Variants in PRKG1 observed in about 807,000 individuals in gnomAD.
PRKG1 encodes protein kinase cGMP-dependent 1.
PRKG1 carries 35 observed loss-of-function variants against 88.1 expected under a neutral mutation model. The ratio of observed to expected loss-of-function variants is 0.40; its 90% CI spans 0.30 to 0.53. The LOEUF (loss-of-function observed/expected upper bound fraction) is 0.53, where lower values mean the gene tolerates loss of function less well. Among genes scored for constraint, PRKG1 ranks in the 20% least tolerant of loss-of-function variants. PRKG1 has a pLI of 0.59. For missense variants in PRKG1, 540 were observed against 839.8 expected, an observed-to-expected ratio of 0.64 and a Z score of 4.41; for synonymous variants, 303 against 292.5, an observed-to-expected ratio of 1.04 and a Z score of -0.37.
intron 3 of PRKG1, among the ~76,000 whole-genome samples, chr10:51,577,827 G>C (rs1181582835): frequency 1.3e-5 from 2 of 151,990 alleles, no homozygotes; most frequent in Non-Finnish European, 2.9e-5. Context: ...TACATCATTG[G>C]TTACTTACTT....
At chr10:51,897,322 G>C (rs1223450019) in intron 4 of PRKG1, among the ~76,000 whole-genome samples, 1 of 152,002 alleles carries the variant, frequency 6.6e-6, no homozygotes, top group African/African-American at 2.4e-5. Flanking sequence ...TGTCAATGTT[G>C]GTGGCACTAA....
At chr10:51,359,928 A>G (rs1457461940) in intron 2 of PRKG1, among the ~76,000 whole-genome samples, 1 of 151,968 alleles carries the variant, frequency 6.6e-6, no homozygotes, top group Non-Finnish European at 1.5e-5. Flanking sequence ...GATACAGAGT[A>G]AACTCTAACT....
chr10:51,878,868 G>T (rs10823793), intron 4 of PRKG1, among the ~76,000 whole-genome samples: 36,647 of 151,970 alleles, frequency 0.24, 4,998 homozygotes, highest in African/African-American at 0.31. Context: ...CACACATATT[G>T]ACTTTAATGC....
At chr10:51,280,046 G>A (rs1373926668) in intron 2 of PRKG1, among the ~76,000 whole-genome samples, 1 of 152,150 alleles carries the variant, frequency 6.6e-6, no homozygotes, top group African/African-American at 2.4e-5. Flanking sequence ...GCTTCCTTCA[G>A]GAGCTCTTGT....
At chr10:52,149,206 A>T (rs1019282102) in intron 8 of PRKG1, among the ~76,000 whole-genome samples, 1 of 151,942 alleles carries the variant, frequency 6.6e-6, no homozygotes. Flanking sequence ...CTTGAAGTCC[A>T]GGGAAAAAAT....
chr10:51,603,757 A>T (rs1838678341), intron 3 of PRKG1, among the ~76,000 whole-genome samples: 1 of 152,214 alleles, frequency 6.6e-6, no homozygotes, highest in Non-Finnish European at 1.5e-5. Context: ...TGCATATTGC[A>T]GTTAATTTCA....
chr10:51,396,881 G>A (rs1837590453), intron 2 of PRKG1, among the ~76,000 whole-genome samples: 1 of 152,074 alleles, frequency 6.6e-6, no homozygotes, highest in South Asian at 2.1e-4. Context: ...AAAATTTAAG[G>A]GGGTGCCAAA....
chr10:51,688,023 C>T (rs1332910200), intron 3 of PRKG1, among the ~76,000 whole-genome samples: 1 of 152,058 alleles, frequency 6.6e-6, no homozygotes, highest in African/African-American at 2.4e-5. Flanking sequence ...GGATTTTTGC[C>T]AATTCTTGAT....
intron 12 of PRKG1, among the ~76,000 whole-genome samples, chr10:52,278,910 A>AT: frequency 6.6e-6 from 1 of 152,104 alleles, no homozygotes; most frequent in African/African-American, 2.4e-5. Flanking sequence ...CTCAAAAAAA[A>AT]AAAAAAAAGA....
At chr10:51,752,408 A>G (rs1564633148) in intron 3 of PRKG1, among the ~76,000 whole-genome samples, 2 of 152,224 alleles carry the variant, frequency 1.3e-5, no homozygotes, top group Non-Finnish European at 2.9e-5. Context: ...GATAGCAGCT[A>G]TTCTACACAT....
Position 51,612,158 on chromosome 10 carries a change from T to C in PRKG1, c.592+144322T>C, listed in dbSNP as rs572678888. 5.9e-5 allele frequency among the ~76,000 whole-genome samples: 9 copies of C among 152,246 alleles called. No individual in the cohort carries two copies. In the East Asian group the frequency reaches 9.6e-4, roughly 16 times the overall value. ...TTTCATAAACATTTGAAAGATTATT[T>C]TGTTTATTTCTGACAAAAATGACAT... On this transcript the variant is annotated intron_variant, in intron 3 of 17. Coordinates refer to ENST00000373980, the MANE Select transcript of PRKG1 (RefSeq NM_006258.4).
intron 2 of PRKG1, among the ~76,000 whole-genome samples, chr10:51,165,375 C>T (rs1201460494): frequency 1.3e-5 from 2 of 151,858 alleles, no homozygotes; most frequent in South Asian, 4.2e-4. Context: ...ACCAGGCCTG[C>T]CCTAAAAGAG....
At chr10:51,325,095 T>G (rs554371329) in intron 2 of PRKG1, among the ~76,000 whole-genome samples, 27 of 152,356 alleles carry the variant, frequency 1.8e-4, no homozygotes, top group Non-Finnish European at 2.6e-4. Context: ...GATATCTGTT[T>G]GTGGTTTTAA....
intron 3 of PRKG1, among the ~76,000 whole-genome samples, chr10:51,565,632 T>C (rs551524334): frequency 4.6e-5 from 7 of 152,186 alleles, no homozygotes; most frequent in Admixed American, 2.0e-4. Flanking sequence ...CTAGAGTATA[T>C]CCAATGTGCA....
chr10:51,775,386 T>C (rs1290047270), intron 3 of PRKG1, among the ~76,000 whole-genome samples: 1 of 152,136 alleles, frequency 6.6e-6, no homozygotes, highest in Non-Finnish European at 1.5e-5. Flanking sequence ...CTTATATTAA[T>C]ATTTCAAATA....
At chr10:51,949,386 G>T (rs1338807185) in intron 5 of PRKG1, among the ~76,000 whole-genome samples, 1 of 152,058 alleles carries the variant, frequency 6.6e-6, no homozygotes, top group Non-Finnish European at 1.5e-5. Context: ...GCCAAGGCAG[G>T]AGGATCACTT....
At chr10:51,203,507 T>A (rs893553776) in intron 2 of PRKG1, among the ~76,000 whole-genome samples, 2 of 152,134 alleles carry the variant, frequency 1.3e-5, no homozygotes, top group Non-Finnish European at 2.9e-5. Context: ...GAAATGGAAT[T>A]CCCAAATGGA....
intron 3 of PRKG1, among the ~76,000 whole-genome samples, chr10:51,617,364 A>G (rs998212612): frequency 4.6e-5 from 7 of 151,564 alleles, no homozygotes; most frequent in East Asian, 1.9e-4. Context: ...TCTACTCGCT[A>G]TTTTGGTTTT....
chr10:51,474,382 A>G (rs1206542048), intron 3 of PRKG1, among the ~76,000 whole-genome samples: 1 of 151,984 alleles, frequency 6.6e-6, no homozygotes, highest in Non-Finnish European at 1.5e-5. Context: ...CTTATACAGC[A>G]TGTTATGGTT....
Sources: allele counts gnomAD v4.1 joint callset (sites outside exome capture counted in the v4.1 genomes callset), GRCh38; gene constraint gnomAD v4.1.1; transcripts MANE v1.5; gene names NCBI Gene and HGNC (gene_info 2026-07-23, HGNC 2026-07-21).